RASAL2: variants seen among roughly 807,000 people sequenced by gnomAD.
RASAL2 encodes ras GTPase-activating protein nGAP.
RASAL2 carries 58 observed loss-of-function variants against 128.9 expected under a neutral mutation model. The ratio of observed to expected loss-of-function variants is 0.45; its 90% CI spans 0.36 to 0.56. The LOEUF is 0.56. Ranked by LOEUF, RASAL2 falls within the 20% of genes least tolerant of loss-of-function variation. The pLI is 0.00. For synonymous variants in RASAL2, 561 were observed against 580.8 expected, an observed-to-expected ratio of 0.97 and a Z score of 0.49; for missense variants, 1,360 against 1,601.6, an observed-to-expected ratio of 0.85 and a Z score of 2.57.
At chr1:178,471,341 A>G (rs941192645) in intron 17 of RASAL2, among the ~76,000 whole-genome samples, 7 of 152,154 alleles carry the variant, frequency 4.6e-5, no homozygotes, top group African/African-American at 1.2e-4. Context: ...GTTCTTACCT[A>G]TTGGCTTTTC....
chr1:178,162,525 TATA>T lies in RASAL2; in HGVS notation c.202+67835_202+67837del, dbSNP rs1331254736. On this transcript the variant is annotated intron_variant, in intron 1 of 17. Transcript: ENST00000367649. ...TATATTATATATATTTTATATAAAG[TATA>T]ATATATCTTTATATAAAATATATAT... Among the ~76,000 whole-genome samples the T allele has an allele frequency of 2.6e-5, 3 of 115,576 alleles. No individual in the cohort carries two copies. In the East Asian group the frequency reaches 6.7e-4, roughly 26 times the overall value. The allele number at this position is 115,576 out of a possible 152,430, so 75.8% of individuals were successfully genotyped here.
intron 1 of RASAL2, among the ~76,000 whole-genome samples, chr1:178,154,673 A>C (rs891415110): frequency 2.6e-5 from 4 of 152,298 alleles, no homozygotes; most frequent in African/African-American, 9.6e-5. Flanking sequence ...ACATCTTTGC[A>C]TGTGCATATT....
At chr1:178,242,059 T>C (rs77692642) in intron 1 of RASAL2, among the ~76,000 whole-genome samples, 5,770 of 152,280 alleles carry the variant, frequency 0.038, 365 homozygotes, top group African/African-American at 0.13. Flanking sequence ...TGTATCTCTT[T>C]GGGTAGTTTT....
chr1:178,100,238 G>A (rs1294478709), intron 1 of RASAL2, among the ~76,000 whole-genome samples: 1 of 151,994 alleles, frequency 6.6e-6, no homozygotes, highest in Non-Finnish European at 1.5e-5. Flanking sequence ...AAAATGGGCC[G>A]GGCGCGGTGG....
At chr1:178,444,418 A>G (rs370828129) in intron 8 of RASAL2, among the ~76,000 whole-genome samples, 3 of 152,166 alleles carry the variant, frequency 2.0e-5, no homozygotes, top group African/African-American at 4.8e-5. Flanking sequence ...ACTCTGTTAT[A>G]CTGTTAAGCT....
chr1:178,409,287 G>A (rs991127542), intron 4 of RASAL2, among the ~76,000 whole-genome samples: 4 of 152,170 alleles, frequency 2.6e-5, no homozygotes, highest in African/African-American at 9.7e-5. Context: ...TATCAGACCT[G>A]CCCTGGGAAC....
intron 4 of RASAL2, among the ~76,000 whole-genome samples, chr1:178,401,871 C>T (rs370995991): frequency 6.6e-6 from 1 of 152,004 alleles, no homozygotes; most frequent in African/African-American, 2.4e-5. Context: ...ATTTAGGGCC[C>T]GCGTCACCCT....
chr1:178,164,619 AT>A (rs1661453189), intron 1 of RASAL2, among the ~76,000 whole-genome samples: 1 of 151,442 alleles, frequency 6.6e-6, no homozygotes. Context: ...TGCATACAGG[AT>A]TTTTTTCTCT....
chr1:178,238,617 C>T (rs1664363410), intron 1 of RASAL2, among the ~76,000 whole-genome samples: 1 of 152,080 alleles, frequency 6.6e-6, no homozygotes, highest in African/African-American at 2.4e-5. Context: ...TACACACACA[C>T]ACACACACTT....
intron 1 of RASAL2, among the ~76,000 whole-genome samples, chr1:178,151,640 A>C (rs1040500029): frequency 1.3e-5 from 2 of 152,180 alleles, no homozygotes; most frequent in African/African-American, 4.8e-5. Flanking sequence ...CTCACCTCCA[A>C]AATGGCCTCC....
At chr1:178,207,694 T>C (rs1663103746) in intron 1 of RASAL2, among the ~76,000 whole-genome samples, 1 of 152,122 alleles carries the variant, frequency 6.6e-6, no homozygotes, top group Admixed American at 6.5e-5. Context: ...TAATAACTTA[T>C]ATCATACAGC....
intron 5 of RASAL2, among the ~76,000 whole-genome samples, chr1:178,437,464 A>G (rs1413269507): frequency 6.6e-6 from 1 of 152,096 alleles, no homozygotes; most frequent in African/African-American, 2.4e-5. Context: ...CCATTGCTTC[A>G]TGTAGGTAGA....
intron 1 of RASAL2, among the ~76,000 whole-genome samples, chr1:178,104,210 A>T (rs1659008604): frequency 1.3e-5 from 2 of 152,140 alleles, no homozygotes; most frequent in South Asian, 2.1e-4. Context: ...CAGTTGTCCT[A>T]CCATCATTTG....
intron 14 of RASAL2, among the ~76,000 whole-genome samples, chr1:178,460,977 C>T (rs977516300): frequency 3.7e-4 from 56 of 151,952 alleles, no homozygotes; most frequent in African/African-American, 1.3e-3. Flanking sequence ...CCACGCCTGG[C>T]TAATTTTTGT....
intron 1 of RASAL2, among the ~76,000 whole-genome samples, chr1:178,201,490 T>C (rs1401399548): frequency 1.3e-5 from 2 of 152,216 alleles, no homozygotes; most frequent in Admixed American, 1.3e-4. Context: ...GGGCAGCATC[T>C]GCATCTTGGA....
intron 1 of RASAL2, among the ~76,000 whole-genome samples, chr1:178,106,221 C>T (rs765342909): frequency 3.3e-5 from 5 of 152,088 alleles, no homozygotes; most frequent in Admixed American, 2.6e-4. Context: ...ATAGCATGTA[C>T]ACTATCTCCA....
chr1:178,296,794 T>C (rs935962779), intron 2 of RASAL2, among the ~76,000 whole-genome samples: 1 of 151,024 alleles, frequency 6.6e-6, no homozygotes, highest in South Asian at 2.1e-4. Context: ...TGCCTCAGCC[T>C]CCCAAGTAGC....
At chr1:178,277,311 A>G (rs1227384059) in intron 1 of RASAL2, among the ~76,000 whole-genome samples, 1 of 152,060 alleles carries the variant, frequency 6.6e-6, no homozygotes, top group Non-Finnish European at 1.5e-5. Flanking sequence ...GGCACGCACC[A>G]CCATGCCTGG....
intron 5 of RASAL2, among the ~76,000 whole-genome samples, chr1:178,438,008 A>T (rs1028118280): frequency 2.0e-5 from 3 of 151,922 alleles, no homozygotes; most frequent in African/African-American, 7.2e-5. Flanking sequence ...CATACTTTGT[A>T]CTGTCAACAA....
Sources: allele counts gnomAD v4.1 joint callset (sites outside exome capture counted in the v4.1 genomes callset), GRCh38; gene constraint gnomAD v4.1.1; transcripts MANE v1.5; gene names NCBI Gene and HGNC (gene_info 2026-07-23, HGNC 2026-07-21).